The following ANKFN1 variants were observed in gnomAD, a reference collection of about 807,000 sequenced individuals.
The protein encoded by ANKFN1 is ankyrin repeat and fibronectin type-III domain-containing protein 1.
A neutral mutation model predicts 108.7 loss-of-function variants in ANKFN1; 74 were observed. The ratio of observed to expected loss-of-function variants is 0.68; its 90% CI spans 0.56 to 0.83. ANKFN1 has a LOEUF of 0.83. ANKFN1 is among the 40% of genes least tolerant of loss of function. The probability of loss-of-function intolerance (pLI) is 0.00; values close to 1 mark genes in which losing one functional copy is unlikely to be tolerated. For missense variants in ANKFN1, 1,505 were observed against 1,382.3 expected, an observed-to-expected ratio of 1.09 and a Z score of -1.41; for synonymous variants, 547 against 516.2, an observed-to-expected ratio of 1.06 and a Z score of -0.81.
At chr17:56,175,520 C>T (rs1178687107) in intron 1 of ANKFN1, among the ~76,000 whole-genome samples, 1 of 152,106 alleles carries the variant, frequency 6.6e-6, no homozygotes, top group African/African-American at 2.4e-5. Flanking sequence ...CATTGCAAAG[C>T]CCTTGTGAGA....
chr17:56,101,452 G>A (rs576920511), intron 4 of ANKFN1, among the ~76,000 whole-genome samples: 2 of 152,180 alleles, frequency 1.3e-5, no homozygotes, highest in Admixed American at 6.5e-5. Flanking sequence ...TGATTGTTAG[G>A]TCCCCTAGGA....
intron 4 of ANKFN1, among the ~76,000 whole-genome samples, chr17:56,133,528 CTG>C (rs10598270): frequency 0.072 from 10,575 of 146,168 alleles, 434 homozygotes; most frequent in Admixed American, 0.12. Flanking sequence ...ATGTGTATAC[CTG>C]TGTGTGTGTG....
At chr17:56,437,476 A>G (rs1183809723) in intron 8 of ANKFN1, among the ~76,000 whole-genome samples, 1 of 152,170 alleles carries the variant, frequency 6.6e-6, no homozygotes, top group East Asian at 1.9e-4. Flanking sequence ...ACAGCAATTA[A>G]TCATGTCTGT....
chr17:56,425,850 C>T (rs2145084037), intron 8 of ANKFN1, among the ~76,000 whole-genome samples: 1 of 152,314 alleles, frequency 6.6e-6, no homozygotes, highest in Admixed American at 6.5e-5. Context: ...GACCGTCTCG[C>T]TTCCCACCAT....
chr17:56,191,975 T>C (rs1418296700), intron 1 of ANKFN1, among the ~76,000 whole-genome samples: 3 of 152,028 alleles, frequency 2.0e-5, no homozygotes, highest in East Asian at 1.9e-4. Flanking sequence ...CATCTTCCAT[T>C]GCTGATACCC....
chr17:56,307,735 C>A (rs1402834320), intron 3 of ANKFN1, among the ~76,000 whole-genome samples: 1 of 152,200 alleles, frequency 6.6e-6, no homozygotes, highest in African/African-American at 2.4e-5. Flanking sequence ...TGGGTATATA[C>A]CCAAAGGATT....
chr17:56,264,284 G>A (rs896495747), intron 3 of ANKFN1, among the ~76,000 whole-genome samples: 3 of 152,194 alleles, frequency 2.0e-5, no homozygotes, highest in African/African-American at 7.2e-5. Flanking sequence ...CTCTGCAGAA[G>A]GATTCCATTG....
intron 3 of ANKFN1, among the ~76,000 whole-genome samples, chr17:56,303,326 G>T (rs2044725638): frequency 6.6e-6 from 1 of 152,158 alleles, no homozygotes; most frequent in Non-Finnish European, 1.5e-5. Flanking sequence ...GAGGGTACAG[G>T]CGTGTGCAAA....
intron 8 of ANKFN1, among the ~76,000 whole-genome samples, chr17:56,415,478 AAAATG>A: frequency 1.3e-5 from 2 of 152,336 alleles, no homozygotes; most frequent in African/African-American, 4.8e-5. Context: ...AGCCACATAT[AAAATG>A]AAATACCTAT....
chr17:56,453,687 G>C (rs553950400), intron 11 of ANKFN1, among the ~76,000 whole-genome samples: 43 of 152,238 alleles, frequency 2.8e-4, no homozygotes, highest in African/African-American at 1.0e-3. Flanking sequence ...CATCCTGAAA[G>C]GGGGCTTGGG....
intron 1 of ANKFN1, among the ~76,000 whole-genome samples, chr17:56,162,940 CAGG>C (rs1598161895): frequency 1.3e-5 from 2 of 151,276 alleles, no homozygotes; most frequent in East Asian, 3.9e-4. Flanking sequence ...GAAGCTGAGG[CAGG>C]AGAAGAGCTT....
intron 1 of ANKFN1, among the ~76,000 whole-genome samples, chr17:56,198,341 C>T (rs1042943278): frequency 1.3e-5 from 2 of 152,226 alleles, no homozygotes; most frequent in Non-Finnish European, 2.9e-5. Flanking sequence ...TGACCTCGAT[C>T]TCTCACATGC....
chr17:56,288,998 C>G (rs186387048), intron 3 of ANKFN1, among the ~76,000 whole-genome samples: 1 of 152,136 alleles, frequency 6.6e-6, no homozygotes, highest in African/African-American at 2.4e-5. Context: ...GTGTGTGCAC[C>G]GACAACCACA....
chr17:56,117,116 C>T (rs1260127982), intron 4 of ANKFN1, among the ~76,000 whole-genome samples: 4 of 152,122 alleles, frequency 2.6e-5, no homozygotes, highest in African/African-American at 9.7e-5. Context: ...ATTCTTGTCA[C>T]CCCATGGTAT....
intron 4 of ANKFN1, among the ~76,000 whole-genome samples, chr17:56,328,509 A>T (rs1280402572): frequency 6.6e-6 from 1 of 152,238 alleles, no homozygotes; most frequent in African/African-American, 2.4e-5. Flanking sequence ...CTCAAAGGTA[A>T]CCCAAAGGAT....
intron 8 of ANKFN1, among the ~76,000 whole-genome samples, chr17:56,388,544 T>C (rs538447026): frequency 1.3e-5 from 2 of 152,352 alleles, no homozygotes; most frequent in African/African-American, 4.8e-5. Context: ...CATAGCTATA[T>C]TTCTATTTTT....
chr17:56,393,492 G>A (rs969449716), intron 8 of ANKFN1, among the ~76,000 whole-genome samples: 1 of 152,140 alleles, frequency 6.6e-6, no homozygotes, highest in Admixed American at 6.6e-5. Flanking sequence ...TGGATAACTT[G>A]AGGGCAAAAA....
chr17:56,510,934 C>T lies in ANKFN1; in HGVS notation c.3106C>T (p.Gln1036Ter), dbSNP rs1191069175. 2 of 1,536,176 alleles carry T rather than the reference C, an allele frequency of 1.3e-6. No individual in the cohort carries two copies. The highest frequency in any genetic ancestry group is 2.0e-5 in the Admixed American group (1 of 51,014). The change falls in exon 21 of 21, where the codon CAG becomes TAG. Residue 1036 changes from glutamine (Q) to a stop codon, truncating the protein, a stop_gained. Coordinates refer to ENST00000682825, the MANE Select transcript of ANKFN1 (RefSeq NM_001370326.1). LOFTEE classifies it low-confidence loss of function (END_TRUNC). ...SLSLSEGIYT[Q>*]HLSQACGLAQ... Reference sequence around the variant, plus strand: ...ATCGCTCTCTGAGGGCATTTATACACAGCACCTGTCCCAGGCCTGTGGTCT... The same window carrying T: ...ATCGCTCTCTGAGGGCATTTATACATAGCACCTGTCCCAGGCCTGTGGTCT...
chr17:56,345,671 G>A (rs752051982), intron 4 of ANKFN1, among the ~76,000 whole-genome samples: 1 of 152,070 alleles, frequency 6.6e-6, no homozygotes, highest in Admixed American at 6.6e-5. Context: ...TCATATGTTT[G>A]TTGGCCACAT....
Sources: allele counts gnomAD v4.1 joint callset (sites outside exome capture counted in the v4.1 genomes callset), GRCh38; gene constraint gnomAD v4.1.1; transcripts MANE v1.5; gene names NCBI Gene and HGNC (gene_info 2026-07-23, HGNC 2026-07-21).